The following F11R variants were observed in gnomAD, a reference collection of about 807,000 sequenced individuals.
The protein encoded by F11R is junctional adhesion molecule A.
A neutral mutation model predicts 39.3 loss-of-function variants in F11R; 27 were observed. The observed-to-expected ratio is 0.69, with a 90% CI of 0.51 to 0.95. The LOEUF is 0.95. F11R is among the 40% of genes least tolerant of loss of function. The probability of loss-of-function intolerance (pLI) is 0.00; values close to 1 mark genes in which losing one functional copy is unlikely to be tolerated. For missense variants in F11R, 335 were observed against 372.7 expected, an observed-to-expected ratio of 0.90 and a Z score of 0.83; for synonymous variants, 131 against 144.9, an observed-to-expected ratio of 0.90 and a Z score of 0.69.
chr1:160,999,259 G>A, intron 8 of F11R, 137 bp downstream of exon 8: 1 of 1,437,186 alleles, frequency 7.0e-7, no homozygotes, highest in South Asian at 1.1e-5. Flanking sequence ...CACAGAGAAA[G>A]GGCTGGATAT....
chr1:161,009,848 C>T (rs1454452120), intron 1 of F11R, among the ~76,000 whole-genome samples: 1 of 151,906 alleles, frequency 6.6e-6, no homozygotes, highest in Non-Finnish European at 1.5e-5. Flanking sequence ...ACTTGGGAGG[C>T]TGGAGAACCA....
intron 1 of F11R, among the ~76,000 whole-genome samples, chr1:161,017,149 TG>T (rs1649510917): frequency 6.6e-6 from 1 of 151,884 alleles, no homozygotes; most frequent in Non-Finnish European, 1.5e-5. Flanking sequence ...CAGGGACCTC[TG>T]CCTAGGAAAG....
At chr1:160,999,536 C>CCA in intron 7 of F11R, 104 bp downstream of exon 7, 1 of 1,510,748 alleles carries the variant, frequency 6.6e-7, no homozygotes, top group Non-Finnish European at 9.2e-7. Context: ...GGGACAACAC[C>CCA]CACACACATG....
At position 160,999,023 on chromosome 1, in the gene F11R, C is replaced by T; in HGVS notation, c.864+20G>A. ...TCCAGCCCCAGGTGGCCCACCCCTG[C>T]CCAGGGGAGGCATACTCACTTCACT... On this transcript the variant is annotated intron_variant, in intron 9 of 9. Coordinates refer to ENST00000368026, the MANE Select transcript of F11R (RefSeq NM_016946.6). 6.2e-7 allele frequency: 1 copy of T among 1,614,196 alleles called. No individual in the cohort carries two copies.
intron 1 of F11R, among the ~76,000 whole-genome samples, chr1:161,015,915 T>C (rs1040783397): frequency 2.0e-5 from 3 of 152,064 alleles, no homozygotes; most frequent in African/African-American, 4.8e-5. Context: ...TAAAACCATG[T>C]CAATTAACCT....
intron 9 of F11R, 33 bp from the exon 10 acceptor site, chr1:160,998,939 T>C (rs1353124140): frequency 6.2e-7 from 1 of 1,613,980 alleles, no homozygotes; most frequent in East Asian, 2.2e-5. Flanking sequence ...CAACTCTCAA[T>C]AGTCTTCTTT....
chr1:161,001,148 A>G, intron 2 of F11R, 21 bp from the exon 3 acceptor site: 2 of 1,610,638 alleles, frequency 1.2e-6, no homozygotes, highest in Non-Finnish European at 1.7e-6. Context: ...GGTCAAAATG[A>G]GCCGAAGGAA....
At chr1:161,020,164 G>A (rs1038951950) in intron 1 of F11R, among the ~76,000 whole-genome samples, 2 of 152,134 alleles carry the variant, frequency 1.3e-5, no homozygotes, top group African/African-American at 4.8e-5. Flanking sequence ...AACACATCTA[G>A]AGACAGAGGC....
rs538297549 is a variant in F11R, at chr1:161,009,679, C to A, written c.65-8326G>T. On this transcript the variant is annotated intron_variant, in intron 1 of 9. Transcript: ENST00000368026. Reference sequence around the variant, plus strand: ...AGGTGGAGTCTAAGTTAAGTTTCCTCCCCATGGGCCGGGTGCGGTGGCTCA... The same window carrying A: ...AGGTGGAGTCTAAGTTAAGTTTCCTACCCATGGGCCGGGTGCGGTGGCTCA... Among the ~76,000 whole-genome samples the A allele has an allele frequency of 2.6e-5, 4 of 152,326 alleles. No homozygotes were observed. In the South Asian group the frequency reaches 6.2e-4, roughly 24 times the overall value.
intron 1 of F11R, among the ~76,000 whole-genome samples, chr1:161,008,706 C>T (rs1193007989): frequency 6.6e-6 from 1 of 152,242 alleles, no homozygotes; most frequent in Non-Finnish European, 1.5e-5. Flanking sequence ...AGTTAAGTAA[C>T]TTGGCTAAGG....
rs776679324 is a variant in F11R, at chr1:160,999,973, A to G, written c.597T>C (p.Phe199=). 6.2e-7 allele frequency: 1 copy of G among 1,614,130 alleles called. No homozygotes were observed. The highest frequency in any genetic ancestry group is 1.7e-5 in the Admixed American group (1 of 60,008). ...CAGTATCAGAGGCTGACAGGGGATC[A>G]AAGACCTGAGGAAGGAAAACAAATT... The part of the protein sequence containing the change: ...VLNPTTGELV[F]DPLSASDTGE... Residue 199 remains phenylalanine, a synonymous_variant, in exon 6 of 10, where the codon TTT becomes TTC. Transcript: ENST00000368026.
chr1:161,005,092 G>A (rs1292451130), intron 1 of F11R, among the ~76,000 whole-genome samples: 7 of 151,264 alleles, frequency 4.6e-5, no homozygotes, highest in Admixed American at 6.6e-5. Flanking sequence ...CCCAGGAGGT[G>A]GAGGCTGAAG....
chr1:160,999,379 G>C lies in F11R; in HGVS notation c.815+17C>G. ...TGCTCTCAAACTTGGAGAACCCCAG[G>C]ACAGCACCTCACTCACCCTTTCTTT... On this transcript the variant is annotated intron_variant, in intron 8 of 9. Transcript: ENST00000368026. 1 of 1,614,182 alleles carries C rather than the reference G, an allele frequency of 6.2e-7. No individual in the cohort carries two copies. The highest frequency in any genetic ancestry group is 2.2e-5 in the East Asian group (1 of 44,886).
chr1:161,000,183 T>C lies in F11R; in HGVS notation c.554A>G (p.Asn185Ser), dbSNP rs574502480. 1.2e-6 allele frequency: 2 copies of C among 1,613,898 alleles called. No homozygotes were observed. Among genetic ancestry groups the C allele is most frequent in the East Asian group, 2.2e-5 (1 of 44,870 alleles). The stretch of plus-strand genomic sequence containing the variant: ...TGTGGGATTCAGGACATAGGAAGAG[T>C]TGCTGAAGGCACGGGTGCTTTTGGG... ...TNPKSTRAFS[N>S]SSYVLNPTTG... is the part of the protein sequence containing the mutation. The change falls in exon 5 of 10, where the codon AAC becomes AGC. Residue 185 changes from asparagine (N) to serine (S), a missense_variant. Coordinates refer to ENST00000368026, the MANE Select transcript of F11R (RefSeq NM_016946.6).
intron 1 of F11R, among the ~76,000 whole-genome samples, chr1:161,009,605 C>G (rs985633810): frequency 1.3e-5 from 2 of 152,142 alleles, no homozygotes; most frequent in Non-Finnish European, 2.9e-5. Flanking sequence ...ACAGCCACAT[C>G]TATCTATATA....
intron 1 of F11R, among the ~76,000 whole-genome samples, chr1:161,015,296 G>A (rs1027240850): frequency 8.7e-5 from 13 of 150,160 alleles, no homozygotes; most frequent in African/African-American, 3.2e-4. Flanking sequence ...TACTCGGGAG[G>A]CTGAGGCAGG....
Position 161,000,735 on chromosome 1 carries a change from GT to G in F11R, c.283del (p.Thr95ProfsTer5). 6.2e-7 allele frequency: 1 copy of G among 1,614,174 alleles called. No homozygotes were observed. Among genetic ancestry groups the G allele is most frequent in the East Asian group, 2.2e-5 (1 of 44,872 alleles). ...DRVTFLPTGITFKSVTREDTG... is the reference protein window; with the variant it reads ...DRVTFLPTGIXFKSVTREDTG... ...GTCTTCCCGTGTCACGGACTTGAAG[GT>G]GATACCAGTTGGCAAGAAGGTCACC... On this transcript the variant is annotated frameshift_variant, in exon 4 of 10. Transcript: ENST00000368026. LOFTEE classifies it high-confidence loss of function.
In F11R at chr1:161,011,443, C is replaced by A. The variant is rs191601360; in HGVS notation, c.64+9567G>T. Among the ~76,000 whole-genome samples the A allele has an allele frequency of 2.0e-5, 3 of 151,588 alleles. No individual in the cohort carries two copies. The East Asian group carries it at 5.8e-4, about 29-fold the overall frequency. ...TACTTTAGGAATAATGTAGAAAGGA[C>A]CTTAAAGTATATTTTGGGCCAGGCG... is the stretch of plus-strand genomic sequence containing the variant. On this transcript the variant is annotated intron_variant, in intron 1 of 9. Coordinates refer to ENST00000368026, the MANE Select transcript of F11R (RefSeq NM_016946.6).
At chr1:161,003,920 A>G (rs559592340) in intron 1 of F11R, among the ~76,000 whole-genome samples, 1 of 151,718 alleles carries the variant, frequency 6.6e-6, no homozygotes, top group South Asian at 2.1e-4. Flanking sequence ...AGGCGCCACC[A>G]TGCCCGGCTA....
Sources: allele counts gnomAD v4.1 joint callset (sites outside exome capture counted in the v4.1 genomes callset), GRCh38; gene constraint gnomAD v4.1.1; transcripts MANE v1.5; gene names NCBI Gene and HGNC (gene_info 2026-07-23, HGNC 2026-07-21).